The following MYO1D variants were observed in gnomAD, a reference collection of about 807,000 sequenced individuals.
MYO1D encodes the protein myosin ID, also known as unconventional myosin-Id.
MYO1D carries 83 observed loss-of-function variants against 122.0 expected under a neutral mutation model. The observed-to-expected ratio is 0.68, with a 90% CI of 0.57 to 0.82. The LOEUF is 0.82. Among genes scored for constraint, MYO1D ranks in the 40% least tolerant of loss-of-function variants. MYO1D has a pLI of 0.00. For synonymous variants in MYO1D, 464 were observed against 446.9 expected, an observed-to-expected ratio of 1.04 and a Z score of -0.48; for missense variants, 1,157 against 1,269.5, an observed-to-expected ratio of 0.91 and a Z score of 1.35.
intron 21 of MYO1D, among the ~76,000 whole-genome samples, chr17:32,566,216 G>A (rs1008267254): frequency 2.7e-5 from 4 of 149,898 alleles, no homozygotes; most frequent in Non-Finnish European, 5.9e-5. Context: ...ATACGAAAAG[G>A]AAGTACAACT....
At chr17:32,619,038 T>A (rs963126387) in intron 20 of MYO1D, among the ~76,000 whole-genome samples, 7 of 152,196 alleles carry the variant, frequency 4.6e-5, no homozygotes, top group African/African-American at 1.7e-4. Context: ...TCCCTGAGTA[T>A]CTGGCAGTTT....
chr17:32,515,103 A>C (rs1442624492), intron 21 of MYO1D, among the ~76,000 whole-genome samples: 1 of 152,154 alleles, frequency 6.6e-6, no homozygotes, highest in Non-Finnish European at 1.5e-5. Context: ...TTGTTAATGG[A>C]GTAAGCGCTT....
At chr17:32,673,459 G>A (rs987157023) in intron 16 of MYO1D, among the ~76,000 whole-genome samples, 1 of 152,078 alleles carries the variant, frequency 6.6e-6, no homozygotes, top group African/African-American at 2.4e-5. Flanking sequence ...AAACAGTTTT[G>A]AAGGAAGAAA....
At chr17:32,605,968 C>T (rs1000968279) in intron 20 of MYO1D, among the ~76,000 whole-genome samples, 3 of 151,722 alleles carry the variant, frequency 2.0e-5, no homozygotes, top group Admixed American at 6.6e-5. Flanking sequence ...GGCATGGAGG[C>T]GTGCGCCTGT....
chr17:32,612,564 T>C (rs1293813321), intron 20 of MYO1D, among the ~76,000 whole-genome samples: 2 of 151,182 alleles, frequency 1.3e-5, no homozygotes, highest in Non-Finnish European at 3.0e-5. Context: ...TGCGTGCCTG[T>C]AGTCCCAGCT....
At chr17:32,797,437 AAAGTTT>A (rs1355601691) in intron 1 of MYO1D, among the ~76,000 whole-genome samples, 4 of 152,226 alleles carry the variant, frequency 2.6e-5, no homozygotes, top group Admixed American at 6.5e-5. Context: ...CCCCTTATCC[AAAGTTT>A]CGCTTTTCGT....
rs117083033 is a variant in MYO1D at position 32,500,297 on chromosome 17, A to G, written c.2865-5382T>C. Among the ~76,000 whole-genome samples, 75 of 152,338 alleles carry G rather than the reference A, an allele frequency of 4.9e-4. 2 individuals carry two copies. In the East Asian group the frequency reaches 0.011, roughly 23 times the overall value. On this transcript the variant is annotated intron_variant, in intron 21 of 21. Transcript: ENST00000318217. ...TCGCACACTCACTGCAGCCTCATGAATGAGGAAGACAATGGGCACAACTGG... is the reference window on the plus strand; with the variant it reads ...TCGCACACTCACTGCAGCCTCATGAGTGAGGAAGACAATGGGCACAACTGG...
At chr17:32,560,571 A>G (rs1156924453) in intron 21 of MYO1D, among the ~76,000 whole-genome samples, 4 of 105,542 alleles carry the variant, frequency 3.8e-5, no homozygotes, top group African/African-American at 1.6e-4. Context: ...ATATATATAT[A>G]TATATAACTT....
At chr17:32,789,956 T>C (rs2090333485) in intron 1 of MYO1D, among the ~76,000 whole-genome samples, 1 of 152,208 alleles carries the variant, frequency 6.6e-6, no homozygotes, top group East Asian at 1.9e-4. Context: ...TTTGTTACAG[T>C]AACCGTAGGA....
At chr17:32,861,404 T>C (rs765526606) in intron 1 of MYO1D, among the ~76,000 whole-genome samples, 11 of 151,978 alleles carry the variant, frequency 7.2e-5, no homozygotes, top group African/African-American at 1.2e-4. Context: ...TAGAAAACAA[T>C]TGCCAAATCT....
intron 1 of MYO1D, among the ~76,000 whole-genome samples, chr17:32,847,757 C>A (rs1403571779): frequency 2.6e-5 from 4 of 152,136 alleles, no homozygotes; most frequent in Non-Finnish European, 4.4e-5. Context: ...TCAAGCAATC[C>A]ACCTGCCTCA....
intron 1 of MYO1D, among the ~76,000 whole-genome samples, chr17:32,804,701 C>A (rs1249758989): frequency 6.6e-6 from 1 of 152,070 alleles, no homozygotes; most frequent in Non-Finnish European, 1.5e-5. Context: ...CTAATAGTTC[C>A]TAGAACAGTG....
intron 16 of MYO1D, among the ~76,000 whole-genome samples, chr17:32,691,386 A>G (rs535330140): frequency 3.8e-4 from 58 of 151,378 alleles, no homozygotes; most frequent in Middle Eastern, 3.4e-3. Context: ...TGTCATGAGA[A>G]ATGTTGCAAA....
intron 10 of MYO1D, chr17:32,759,777 T>C (rs932515848): frequency 3.8e-6 from 1 of 260,724 alleles, no homozygotes; most frequent in Non-Finnish European, 7.2e-6. Flanking sequence ...TTGATTAGAG[T>C]AGAGGTGATA....
At chr17:32,655,609 C>G (rs566066490) in intron 17 of MYO1D, among the ~76,000 whole-genome samples, 2 of 152,146 alleles carry the variant, frequency 1.3e-5, no homozygotes, top group East Asian at 3.9e-4. Flanking sequence ...GCAAAGGCTC[C>G]GGGATGTGAG....
chr17:32,511,557 G>T (rs141002392), intron 21 of MYO1D, among the ~76,000 whole-genome samples: 228 of 150,906 alleles, frequency 1.5e-3, no homozygotes, highest in African/African-American at 5.5e-3. Flanking sequence ...TGTCTGTAGG[G>T]CTTTATTTTA....
chr17:32,730,839 C>T (rs1243319018), intron 14 of MYO1D, among the ~76,000 whole-genome samples: 1 of 151,392 alleles, frequency 6.6e-6, no homozygotes, highest in Non-Finnish European at 1.5e-5. Flanking sequence ...ATTGTTCTAT[C>T]CATTTTCTCT....
rs569288741 is a variant in MYO1D, at chr17:32,791,855, TTCTC to T, written c.96-11075_96-11072del. ...TAAATGAATACACAGTGAAAAGTGT[TTCTC>T]TCTCCTCTTTCCTATACCTTCCCTC... On this transcript the variant is annotated intron_variant, in intron 1 of 21. Transcript: ENST00000318217. Among the ~76,000 whole-genome samples, 45 of 152,318 alleles carry T rather than the reference TTCTC, an allele frequency of 3.0e-4. No individual in the cohort carries two copies. In the East Asian group the frequency reaches 8.3e-3, roughly 28 times the overall value.
rs148201741 is a variant in MYO1D, at chr17:32,801,136, G to C, written c.96-20352C>G. Reference sequence around the variant, plus strand: ...TATTAATATGACATTTCAAAAAAGTGAAAGAAAAACTAAGCTTATTTATAA... The same window carrying C: ...TATTAATATGACATTTCAAAAAAGTCAAAGAAAAACTAAGCTTATTTATAA... On this transcript the variant is annotated intron_variant, in intron 1 of 21. Coordinates refer to ENST00000318217, the MANE Select transcript of MYO1D (RefSeq NM_015194.3). Among the ~76,000 whole-genome samples the C allele has an allele frequency of 4.2e-3, 638 of 152,196 alleles. 6 individuals carry two copies. The highest frequency in any genetic ancestry group is 0.015 in the African/African-American group (614 of 41,528).
Sources: gnomAD v4.1 joint callset for allele counts (sites outside exome capture counted in the v4.1 genomes callset) on GRCh38, gnomAD v4.1.1 for gene constraint, MANE v1.5 for transcripts, NCBI Gene and HGNC (gene_info 2026-07-23, HGNC 2026-07-21) for gene names.